Variants in CCDC13 observed in about 807,000 individuals in gnomAD.
CCDC13 encodes coiled-coil domain-containing protein 13.
Under a neutral mutation model 87.3 loss-of-function variants are expected in CCDC13, and 70 were observed. The ratio of observed to expected loss-of-function variants is 0.80; its 90% CI spans 0.66 to 0.98. The LOEUF (loss-of-function observed/expected upper bound fraction) is 0.98. CCDC13 is among the 50% of genes least tolerant of loss of function. The pLI is 0.00. For synonymous variants in CCDC13, 317 were observed against 360.3 expected (o/e 0.88, Z 1.36); for missense variants, 842 against 892.0 (o/e 0.94, Z 0.71).
intron 5 of CCDC13, among the ~76,000 whole-genome samples, chr3:42,751,295 G>A (rs1250956976): frequency 6.6e-6 from 1 of 152,164 alleles, no homozygotes; most frequent in East Asian, 1.9e-4. Flanking sequence ...CTGATTTGGG[G>A]ATAAACCAAC....
chr3:42,766,608 GA>G (rs34691284), intron 1 of CCDC13, among the ~76,000 whole-genome samples: 15 of 137,828 alleles, frequency 1.1e-4, no homozygotes, highest in Admixed American at 2.9e-4. Context: ...CTGTCTCAAA[GA>G]AAAAAAAAAA....
chr3:42,725,608 A>G (rs1698669125), intron 13 of CCDC13, among the ~76,000 whole-genome samples: 1 of 151,902 alleles, frequency 6.6e-6, no homozygotes, highest in Non-Finnish European at 1.5e-5. Context: ...CCTGCAGTCT[A>G]TCAGGGCCTT....
chr3:42,750,513 G>T (rs1425673558), intron 5 of CCDC13, among the ~76,000 whole-genome samples: 1 of 152,224 alleles, frequency 6.6e-6, no homozygotes, highest in African/African-American at 2.4e-5. Context: ...TGTCACCCAG[G>T]CTGGAGTGCA....
intron 1 of CCDC13, among the ~76,000 whole-genome samples, chr3:42,769,124 G>A (rs963261332): frequency 6.6e-6 from 1 of 152,020 alleles, no homozygotes; most frequent in African/African-American, 2.4e-5. Flanking sequence ...GGCAACAAGA[G>A]TGAAACGCCG....
At position 42,715,518 on chromosome 3, in the gene CCDC13, A is replaced by G. The variant is rs530910393; in HGVS notation, c.1719-2202T>C. Among the ~76,000 whole-genome samples, 6 of 152,234 alleles carry G rather than the reference A, an allele frequency of 3.9e-5. No individual in the cohort carries two copies. The East Asian group carries it at 1.2e-3, about 29-fold the overall frequency. On this transcript the variant is annotated intron_variant, in intron 13 of 15. Transcript: ENST00000310232. ...TCCCAGTTACTTGGAAGGCTGAGGT[A>G]GGAGGACCACTTGAGCCTGGGAGGC...
chr3:42,721,528 A>G (rs906797817), intron 13 of CCDC13, among the ~76,000 whole-genome samples: 18 of 152,218 alleles, frequency 1.2e-4, no homozygotes, highest in Non-Finnish European at 2.6e-4. Flanking sequence ...TGTTTTTCAG[A>G]GTCAAGGAAA....
At position 42,709,015 on chromosome 3, in the gene CCDC13, G is replaced by A. The variant is rs943477566; in HGVS notation, c.2113C>T (p.Gln705Ter). ...ILGQVKSVFL[Q>*]ALRQQKTGKQ is the part of the protein sequence containing the mutation. ...CCTGTCTTCTGCTGCCGCAGGGCCT[G>A]CAGGAAGACACTTTTCACCTGGCCC... Residue 705 changes from glutamine to a stop codon, truncating the protein, a stop_gained, in exon 16 of 16, where the codon CAG becomes TAG. Transcript: ENST00000310232. LOFTEE classifies it high-confidence loss of function. 6.2e-7 allele frequency: 1 copy of A among 1,613,654 alleles called. No individual in the cohort carries two copies.
intron 13 of CCDC13, among the ~76,000 whole-genome samples, chr3:42,721,797 T>A (rs1254100982): frequency 2.0e-5 from 3 of 152,254 alleles, no homozygotes; most frequent in Non-Finnish European, 2.9e-5. Context: ...AGGAATCAAA[T>A]TTGACTTGTA....
intron 2 of CCDC13, 42 bp downstream of exon 2, chr3:42,758,083 A>ACACACG: frequency 6.5e-7 from 1 of 1,531,160 alleles, no homozygotes; most frequent in Non-Finnish European, 9.0e-7. Context: ...ACACACACAC[A>ACACACG]CACACACACA....
intron 14 of CCDC13, 68 bp from the exon 15 acceptor site, chr3:42,709,866 C>T (rs2125866556): frequency 2.6e-6 from 3 of 1,162,170 alleles, no homozygotes; most frequent in Non-Finnish European, 3.9e-6. Context: ...TGCTTCTCCT[C>T]CCGCCATTGC....
At chr3:42,748,914 C>T in intron 5 of CCDC13, among the ~76,000 whole-genome samples, 1 of 152,088 alleles carries the variant, frequency 6.6e-6, no homozygotes, top group East Asian at 1.9e-4. Flanking sequence ...CACCACCATG[C>T]CTGGCTAATT....
At position 42,708,322 on chromosome 3, in the gene CCDC13, G is replaced by A. The variant is rs1367677662; in HGVS notation, c.*658C>T. 6.6e-6 allele frequency: 1 copy of A among 152,154 alleles called. No homozygotes were observed. Among genetic ancestry groups the A allele is most frequent in the African/African-American group, 2.4e-5 (1 of 41,412 alleles). 9.4% of individuals were successfully genotyped at this position (152,154 alleles called of 1,614,324 possible). A position where few individuals can be genotyped will look rare whatever the true frequency, so the allele number is the denominator to read the frequency against. Reference sequence around the variant, plus strand: ...CTGTCAAATAAGACAACAAACCCCTGGGTCATTAGAGGACTGAATGGGGTC... The same window carrying A: ...CTGTCAAATAAGACAACAAACCCCTAGGTCATTAGAGGACTGAATGGGGTC... On this transcript the variant is annotated 3_prime_UTR_variant, in exon 16 of 16. Transcript: ENST00000310232.
At chr3:42,765,312 C>G (rs1450950495) in intron 1 of CCDC13, among the ~76,000 whole-genome samples, 1 of 152,222 alleles carries the variant, frequency 6.6e-6, no homozygotes, top group Admixed American at 6.5e-5. Context: ...GTGGTCCAGA[C>G]CGGCCCCCAG....
intron 1 of CCDC13, among the ~76,000 whole-genome samples, chr3:42,762,173 G>A (rs1699845896): frequency 6.6e-6 from 1 of 152,164 alleles, no homozygotes; most frequent in South Asian, 2.1e-4. Flanking sequence ...ATGTGCTGTG[G>A]GCTGAGCCCA....
intron 12 of CCDC13, 76 bp downstream of exon 12, chr3:42,732,811 T>C: frequency 7.6e-7 from 1 of 1,322,704 alleles, no homozygotes; most frequent in Non-Finnish European, 1.1e-6. Flanking sequence ...CCCCTCCTTT[T>C]AATGGGATGG....
intron 9 of CCDC13, among the ~76,000 whole-genome samples, chr3:42,736,214 A>T (rs1699013045): frequency 6.6e-6 from 1 of 152,096 alleles, no homozygotes; most frequent in East Asian, 1.9e-4. Context: ...CCGGTGGGGG[A>T]GATATTTAGC....
rs1299021536 is a variant in CCDC13, at chr3:42,708,316, AC to A, written c.*663del. 1 of 152,268 alleles carries A rather than the reference AC, an allele frequency of 6.6e-6. No homozygotes were observed. Among genetic ancestry groups the A allele is most frequent in the Admixed American group, 6.5e-5 (1 of 15,296 alleles). The allele number at this position is 152,268 out of a possible 1,614,324, so 9.4% of individuals were successfully genotyped here. On this transcript the variant is annotated 3_prime_UTR_variant, in exon 16 of 16. Transcript: ENST00000310232. ...CTTCATCTGTCAAATAAGACAACAA[AC>A]CCCTGGGTCATTAGAGGACTGAATG...
intron 4 of CCDC13, 129 bp downstream of exon 4, chr3:42,752,446 G>A: frequency 8.6e-7 from 1 of 1,164,920 alleles, no homozygotes; most frequent in Non-Finnish European, 1.2e-6. Flanking sequence ...ACCATATACT[G>A]CGTGACTTGA....
At position 42,713,177 on chromosome 3, in the gene CCDC13, G is replaced by C. The variant is rs367800863; in HGVS notation, c.1858C>G (p.Pro620Ala). 1 of 1,614,050 alleles carries C rather than the reference G, an allele frequency of 6.2e-7. No homozygotes were observed. Among genetic ancestry groups the C allele is most frequent in the Non-Finnish European group, 8.5e-7 (1 of 1,179,958 alleles). The change falls in exon 14 of 16, where the codon CCC becomes GCC. Residue 620 changes from proline to alanine, a missense_variant. Pro to Ala is a conservative substitution (Grantham distance 27, BLOSUM62 -1). Coordinates refer to ENST00000310232, the MANE Select transcript of CCDC13 (RefSeq NM_144719.4). ...TGGCCCCTACCTGTTTTGGTCCTGG[G>C]AGCTGCTCTCTGGGAGGCTGATGCC... ...GKASASQRAA[P>A]RTKTGLPTSN...
Sources: allele counts gnomAD v4.1 joint callset (sites outside exome capture counted in the v4.1 genomes callset), GRCh38; gene constraint gnomAD v4.1.1; transcripts MANE v1.5; gene names NCBI Gene and HGNC (gene_info 2026-07-23, HGNC 2026-07-21).